Variants in TBXAS1 observed in about 807,000 individuals in gnomAD.
TBXAS1 encodes the protein thromboxane-A synthase.
In TBXAS1, 48 loss-of-function variants were observed where a neutral mutation model predicts 60.7. The ratio of observed to expected loss-of-function variants is 0.79; its 90% CI spans 0.63 to 1.01. The LOEUF (loss-of-function observed/expected upper bound fraction) is 1.01. TBXAS1 is among the 50% of genes least tolerant of loss of function. TBXAS1 has a pLI of 0.00. For missense variants in TBXAS1, 685 were observed against 686.3 expected, an observed-to-expected ratio of 1.00 and a Z score of 0.02; for synonymous variants, 287 against 269.7, an observed-to-expected ratio of 1.06 and a Z score of -0.63.
intron 3 of TBXAS1, among the ~76,000 whole-genome samples, chr7:139,893,740 T>C (rs562505186): frequency 2.9e-4 from 44 of 152,210 alleles, no homozygotes; most frequent in Non-Finnish European, 6.0e-4. Flanking sequence ...TTTATTGTTA[T>C]GAGATATACA....
chr7:139,975,834 G>A lies in TBXAS1; in HGVS notation c.1134+13601G>A, dbSNP rs1358931813. ...GCCCATGTGGCACAAGATGAAGAGT[G>A]CATGGGCAGCTTCTCCCCTGACATC... On this transcript the variant is annotated intron_variant, in intron 9 of 12. Coordinates refer to ENST00000448866, the MANE Select transcript of TBXAS1 (RefSeq NM_001061.7). The surrounding 1 kb of genome is among the most constrained non-coding windows in gnomAD (Gnocchi z 4.4). Among the ~76,000 whole-genome samples, 1 of 152,218 alleles carries A rather than the reference G, an allele frequency of 6.6e-6. No individual in the cohort carries two copies. Among genetic ancestry groups the A allele is most frequent in the East Asian group, 1.9e-4 (1 of 5,196 alleles).
intron 3 of TBXAS1, among the ~76,000 whole-genome samples, chr7:139,892,213 A>G (rs544750790): frequency 6.6e-6 from 1 of 152,262 alleles, no homozygotes; most frequent in East Asian, 1.9e-4. Context: ...CTGGATTAGG[A>G]GCCAGATCTG....
At chr7:140,006,876 C>G (rs1814116848) in intron 9 of TBXAS1, among the ~76,000 whole-genome samples, 1 of 152,186 alleles carries the variant, frequency 6.6e-6, no homozygotes, top group Non-Finnish European at 1.5e-5. Flanking sequence ...TACGAAGACC[C>G]CTGAGCCCCA....
intron 9 of TBXAS1, among the ~76,000 whole-genome samples, chr7:139,980,707 C>T (rs1272756120): frequency 6.6e-6 from 1 of 151,720 alleles, no homozygotes; most frequent in Admixed American, 6.6e-5. Flanking sequence ...AAGAGTCCCT[C>T]TTACCTGCAC....
intron 4 of TBXAS1, among the ~76,000 whole-genome samples, chr7:139,912,769 C>T (rs995251772): frequency 5.9e-5 from 9 of 152,076 alleles, no homozygotes; most frequent in Non-Finnish European, 1.2e-4. Context: ...GCCTGTGTTC[C>T]GAACTAGGTG....
intron 9 of TBXAS1, among the ~76,000 whole-genome samples, chr7:139,972,721 G>A (rs1811294933): frequency 6.6e-6 from 1 of 151,986 alleles, no homozygotes; most frequent in South Asian, 2.1e-4. Flanking sequence ...GCTTTGTTTT[G>A]ACACATGATC....
chr7:139,988,700 G>A (rs1812679957), intron 9 of TBXAS1, among the ~76,000 whole-genome samples: 1 of 152,054 alleles, frequency 6.6e-6, no homozygotes, highest in African/African-American at 2.4e-5. Flanking sequence ...GGATGCCCGG[G>A]ACACATACAG....
chr7:139,998,420 A>G (rs1290368833), intron 9 of TBXAS1, among the ~76,000 whole-genome samples: 1 of 152,178 alleles, frequency 6.6e-6, no homozygotes, highest in Non-Finnish European at 1.5e-5. Context: ...GAGGGAGGGA[A>G]GGTAAGACCA....
rs576448295 is a variant in TBXAS1, at chr7:140,016,351, A to AAAAT, written c.1364+510_1364+513dup. On this transcript the variant is annotated intron_variant, in intron 11 of 12. Coordinates refer to ENST00000448866, the MANE Select transcript of TBXAS1 (RefSeq NM_001061.7). ...TAAAAAAAAATAAATAAATTAAATA[A>AAAAT]AAATAAATAAATAAATAAATAATTA... 607 of 224,750 alleles carry AAAAT rather than the reference A, an allele frequency of 2.7e-3. 5 individuals carry two copies. The highest frequency in any genetic ancestry group is 0.013 in the African/African-American group (558 of 42,226). 13.9% of individuals were successfully genotyped at this position (224,750 alleles called of 1,614,324 possible).
chr7:139,980,107 A>G (rs1584996916), intron 9 of TBXAS1, among the ~76,000 whole-genome samples: 1 of 152,142 alleles, frequency 6.6e-6, no homozygotes, highest in African/African-American at 2.4e-5. Flanking sequence ...CCACTTAATA[A>G]GGCCTGTGCG....
intron 9 of TBXAS1, among the ~76,000 whole-genome samples, chr7:139,976,605 C>T (rs1033198153): frequency 4.6e-5 from 7 of 152,210 alleles, no homozygotes; most frequent in Admixed American, 1.3e-4. Flanking sequence ...AAAGGCCACA[C>T]GCCAATCAAG....
chr7:139,792,879 A>T (rs76710956), intron 4 of TBXAS1, among the ~76,000 whole-genome samples: 3 of 152,156 alleles, frequency 2.0e-5, no homozygotes, highest in Non-Finnish European at 4.4e-5. Context: ...AGAGAACATC[A>T]ATAGGAAACA....
chr7:139,816,463 G>A (rs540867845), intron 4 of TBXAS1, among the ~76,000 whole-genome samples: 85 of 152,276 alleles, frequency 5.6e-4, no homozygotes, highest in African/African-American at 2.0e-3. Flanking sequence ...TGAATCTAAT[G>A]TGTAGATTCT....
upstream of TBXAS1, among the ~76,000 whole-genome samples, chr7:139,825,867 A>G (rs1201454152): frequency 1.3e-5 from 2 of 152,222 alleles, no homozygotes; most frequent in African/African-American, 4.8e-5. Context: ...GTGGTAAAAT[A>G]CACTTGAGAA....
chr7:139,780,933 A>T (rs1432435897), intron 2 of TBXAS1: 1 of 154,432 alleles, frequency 6.5e-6, no homozygotes, highest in Non-Finnish European at 1.5e-5. Context: ...ACTGCCTCTA[A>T]GTCCATCCCA....
intron 4 of TBXAS1, chr7:139,797,444 A>G (rs1797602855): frequency 6.6e-6 from 1 of 152,244 alleles, no homozygotes; most frequent in Non-Finnish European, 1.5e-5. Flanking sequence ...ATCCTCACAT[A>G]GTAACATCTT....
intron 4 of TBXAS1, among the ~76,000 whole-genome samples, chr7:139,809,426 TAG>T (rs1224657513): frequency 1.5e-4 from 23 of 151,884 alleles, no homozygotes; most frequent in African/African-American, 5.6e-4. Context: ...TAGATAGAGA[TAG>T]AGAGTTATAG....
At chr7:139,856,552 G>A (rs1450639219) in intron 1 of TBXAS1, among the ~76,000 whole-genome samples, 12 of 152,190 alleles carry the variant, frequency 7.9e-5, no homozygotes, top group Admixed American at 7.9e-4. Context: ...AAGGGAATGG[G>A]AATTTATGCA....
intron 3 of TBXAS1, among the ~76,000 whole-genome samples, chr7:139,903,468 G>T (rs1408301526): frequency 1.3e-5 from 2 of 152,044 alleles, no homozygotes; most frequent in Non-Finnish European, 2.9e-5. Flanking sequence ...CCAGTAGTGG[G>T]ATTGCTGGAT....
Sources: allele counts gnomAD v4.1 joint callset (sites outside exome capture counted in the v4.1 genomes callset), GRCh38; gene constraint gnomAD v4.1.1; non-coding constraint Gnocchi (gnomAD v3.1); transcripts MANE v1.5; gene names NCBI Gene and HGNC (gene_info 2026-07-23, HGNC 2026-07-21).